The following CLTB variants were observed in gnomAD, a reference collection of about 807,000 sequenced individuals.
CLTB encodes clathrin light chain B.
In CLTB, 10 loss-of-function variants were observed where a neutral mutation model predicts 30.5. The ratio of observed to expected loss-of-function variants is 0.33; its 90% CI spans 0.20 to 0.56. The LOEUF (loss-of-function observed/expected upper bound fraction) is 0.56, where lower values mean the gene tolerates loss of function less well. Among genes scored for constraint, CLTB ranks in the 20% least tolerant of loss-of-function variants. The pLI is 0.91. For missense variants in CLTB, 261 were observed against 308.3 expected, an observed-to-expected ratio of 0.85 and a Z score of 1.15; for synonymous variants, 102 against 120.3, an observed-to-expected ratio of 0.85 and a Z score of 1.00.
chr5:176,402,521 C>T (rs1468853047), intron 2 of CLTB, among the ~76,000 whole-genome samples: 2 of 152,114 alleles, frequency 1.3e-5, no homozygotes, highest in African/African-American at 4.8e-5. Flanking sequence ...CCTAGGGCTT[C>T]CCCTGCCTCC....
At chr5:176,414,577 C>T (rs1757602949) in intron 1 of CLTB, among the ~76,000 whole-genome samples, 1 of 152,048 alleles carries the variant, frequency 6.6e-6, no homozygotes, top group African/African-American at 2.4e-5. Context: ...GCTGGAACTA[C>T]AACTACAGCT....
intron 1 of CLTB, among the ~76,000 whole-genome samples, chr5:176,412,048 C>T (rs549813815): frequency 1.0e-3 from 155 of 151,850 alleles, no homozygotes; most frequent in Non-Finnish European, 9.7e-4. Context: ...TGGTGGCAGG[C>T]GCCTGTAGTC....
chr5:176,414,797 G>A (rs1463115020), intron 1 of CLTB, among the ~76,000 whole-genome samples: 1 of 152,094 alleles, frequency 6.6e-6, no homozygotes, highest in Non-Finnish European at 1.5e-5. Context: ...ACAAAAGCCT[G>A]GTTACATTTC....
intron 5 of CLTB, among the ~76,000 whole-genome samples, chr5:176,395,612 G>A (rs1201591618): frequency 6.6e-6 from 1 of 152,130 alleles, no homozygotes; most frequent in East Asian, 1.9e-4. Flanking sequence ...CCAACTAACT[G>A]ACGTCGGCAC....
chr5:176,405,943 C>T (rs1010475043), intron 2 of CLTB: 16 of 156,558 alleles, frequency 1.0e-4, no homozygotes, highest in Admixed American at 7.2e-4. Context: ...CTGCTGTGGC[C>T]TGCTGTTCCG....
chr5:176,416,296 G>A lies in CLTB; in HGVS notation c.68C>T (p.Pro23Leu), dbSNP rs984983637. ...CTGCTGGGCCAGGAAGGCGGCCGCCGGGTCCTCCTCCGCCGCCTCCGGGGC... is the reference window on the plus strand; with the variant it reads ...CTGCTGGGCCAGGAAGGCGGCCGCCAGGTCCTCCTCCGCCGCCTCCGGGGC... ...SGAPEAAEED[P>L]AAAFLAQQES... Residue 23 changes from proline to leucine, a missense_variant, in exon 1 of 6, where the codon CCG becomes CTG. Pro to Leu is a moderately conservative substitution (Grantham distance 98). This residue lies in a region of CLTB where 113 missense variants were observed against 102.5 expected (regional missense o/e 1.10). Coordinates refer to ENST00000310418, the MANE Select transcript of CLTB (RefSeq NM_007097.5). The A allele has an allele frequency of 3.7e-6, 6 of 1,605,558 alleles. No homozygotes were observed. Among genetic ancestry groups the A allele is most frequent in the Non-Finnish European group, 5.1e-6 (6 of 1,177,376 alleles).
chr5:176,398,994 C>G (rs1244664076), intron 2 of CLTB, among the ~76,000 whole-genome samples: 1 of 151,958 alleles, frequency 6.6e-6, no homozygotes, highest in African/African-American at 2.4e-5. Context: ...AGGCACACGT[C>G]ACGACACCCG....
intron 1 of CLTB, among the ~76,000 whole-genome samples, chr5:176,411,093 C>G (rs1215863712): frequency 2.0e-5 from 3 of 152,254 alleles, no homozygotes; most frequent in Non-Finnish European, 4.4e-5. Context: ...GTGTCTCTTT[C>G]TCTTCTCCTG....
At chr5:176,401,987 AT>A (rs1469544784) in intron 2 of CLTB, 5 of 320,276 alleles carry the variant, frequency 1.6e-5, no homozygotes, top group African/African-American at 8.7e-5. Flanking sequence ...TCTAAATCCG[AT>A]TTATCATGTC....
chr5:176,403,506 G>A (rs1756945377), intron 2 of CLTB, among the ~76,000 whole-genome samples: 1 of 151,982 alleles, frequency 6.6e-6, no homozygotes, highest in African/African-American at 2.4e-5. Context: ...CCAGGCTGGA[G>A]TGCAGTGACG....
chr5:176,401,580 C>T (rs1756818767), intron 2 of CLTB, among the ~76,000 whole-genome samples: 1 of 152,204 alleles, frequency 6.6e-6, no homozygotes, highest in South Asian at 2.1e-4. Flanking sequence ...TATCTGAGCA[C>T]TGTCTTTAGG....
At chr5:176,400,700 C>T (rs1171120838) in intron 2 of CLTB, among the ~76,000 whole-genome samples, 1 of 152,210 alleles carries the variant, frequency 6.6e-6, no homozygotes, top group Non-Finnish European at 1.5e-5. Context: ...AATAGTCTCC[C>T]CTCCCTCCTC....
At chr5:176,394,626 A>C (rs1426047498) in intron 5 of CLTB, among the ~76,000 whole-genome samples, 1 of 149,934 alleles carries the variant, frequency 6.7e-6, no homozygotes, top group Non-Finnish European at 1.5e-5. Context: ...CATCCTGGCT[A>C]ACACGGTGAA....
chr5:176,404,025 G>C (rs1756974877), intron 2 of CLTB, among the ~76,000 whole-genome samples: 1 of 152,174 alleles, frequency 6.6e-6, no homozygotes, highest in Non-Finnish European at 1.5e-5. Context: ...AAAGTGCTGG[G>C]ATTACAGGCA....
chr5:176,413,011 G>A, intron 1 of CLTB, among the ~76,000 whole-genome samples: 1 of 152,086 alleles, frequency 6.6e-6, no homozygotes. Flanking sequence ...ACAGCTGCCT[G>A]GGGTCTACCC....
At chr5:176,398,482 C>T (rs1182940257) in intron 2 of CLTB, among the ~76,000 whole-genome samples, 1 of 152,046 alleles carries the variant, frequency 6.6e-6, no homozygotes, top group Non-Finnish European at 1.5e-5. Flanking sequence ...GAGGCCGAGG[C>T]GGCAAATCAC....
At chr5:176,406,201 C>G in intron 2 of CLTB, 1 of 995,824 alleles carries the variant, frequency 1.0e-6, no homozygotes, top group Non-Finnish European at 1.2e-6. Flanking sequence ...GGAGGGTTGG[C>G]AACCAGGAGA....
At chr5:176,406,156 C>T (rs1055871448) in intron 2 of CLTB, 1 of 987,198 alleles carries the variant, frequency 1.0e-6, no homozygotes, top group Non-Finnish European at 1.2e-6. Flanking sequence ...CGTTTAATCA[C>T]CTGAGCATCT....
chr5:176,401,091 A>C (rs1581431952), intron 2 of CLTB, among the ~76,000 whole-genome samples: 1 of 152,160 alleles, frequency 6.6e-6, no homozygotes, highest in Non-Finnish European at 1.5e-5. Context: ...CTCTCCCAAC[A>C]TCCCAGTGGG....
Sources: allele counts gnomAD v4.1 joint callset (sites outside exome capture counted in the v4.1 genomes callset), GRCh38; gene constraint gnomAD v4.1.1; regional missense constraint gnomAD v4.1.1; transcripts MANE v1.5; gene names NCBI Gene and HGNC (gene_info 2026-07-23, HGNC 2026-07-21).